RNF4: variants seen among roughly 807,000 people sequenced by gnomAD.
The protein encoded by RNF4 is ring finger protein 4.
In RNF4, 7 loss-of-function variants were observed where a neutral mutation model predicts 24.3. The ratio of observed to expected loss-of-function variants is 0.29; its 90% CI spans 0.16 to 0.54. The LOEUF (loss-of-function observed/expected upper bound fraction) is 0.54. RNF4 is among the 20% of genes least tolerant of loss of function. RNF4 has a pLI of 0.95. For missense variants in RNF4, 209 were observed against 248.5 expected (o/e 0.84, Z 1.07); for synonymous variants, 83 against 84.3 (o/e 0.98, Z 0.09).
chr4:2,490,163 C>T (rs1735537614), intron 1 of RNF4, among the ~76,000 whole-genome samples, 174 bp from the exon 2 acceptor site: 1 of 152,000 alleles, frequency 6.6e-6, no homozygotes, highest in Non-Finnish European at 1.5e-5. Flanking sequence ...TCAGGAAGTC[C>T]TACATGCGAC....
chr4:2,509,768 G>A (rs1005974003), intron 4 of RNF4, among the ~76,000 whole-genome samples: 3 of 152,250 alleles, frequency 2.0e-5, no homozygotes, highest in Admixed American at 2.0e-4. Context: ...GACTCAGTAC[G>A]CGCACTGTCA....
chr4:2,480,866 G>T (rs535265971), intron 1 of RNF4: 2 of 152,282 alleles, frequency 1.3e-5, no homozygotes, highest in African/African-American at 2.4e-5. Context: ...TGACTTCCAG[G>T]ATACCTGGAG....
At chr4:2,480,613 T>A (rs1735218087) in intron 1 of RNF4, 1 of 152,160 alleles carries the variant, frequency 6.6e-6, no homozygotes, top group African/African-American at 2.4e-5. Flanking sequence ...TACATGTTTG[T>A]GCCAAGTGCT....
chr4:2,474,387 A>C (rs1041005901), intron 1 of RNF4, among the ~76,000 whole-genome samples: 1 of 151,674 alleles, frequency 6.6e-6, no homozygotes, highest in Non-Finnish European at 1.5e-5. Context: ...GTCTCAAAAA[A>C]AAAAAAAAAA....
chr4:2,472,855 A>G (rs973693941), intron 1 of RNF4, among the ~76,000 whole-genome samples: 1 of 151,856 alleles, frequency 6.6e-6, no homozygotes, highest in African/African-American at 2.4e-5. Flanking sequence ...CCTGGCTAAC[A>G]TGGTGAAACC....
chr4:2,497,572 T>G (rs1439620837), intron 3 of RNF4, among the ~76,000 whole-genome samples: 2 of 152,206 alleles, frequency 1.3e-5, no homozygotes, highest in African/African-American at 2.4e-5. Flanking sequence ...ATGGCTGGCC[T>G]AAGTCCCTTT....
At chr4:2,485,655 C>T (rs1350775238) in intron 1 of RNF4, among the ~76,000 whole-genome samples, 1 of 152,142 alleles carries the variant, frequency 6.6e-6, no homozygotes, top group Non-Finnish European at 1.5e-5. Context: ...TCCTGACCAT[C>T]CCCAGTTAGG....
chr4:2,478,105 C>T (rs1473431761), intron 1 of RNF4, among the ~76,000 whole-genome samples: 3 of 152,144 alleles, frequency 2.0e-5, no homozygotes. Flanking sequence ...AGAGACTAGC[C>T]GCATTTTGCC....
intron 3 of RNF4, 96 bp from the exon 4 acceptor site, chr4:2,500,563 T>C: frequency 8.9e-7 from 1 of 1,123,938 alleles, no homozygotes; most frequent in Middle Eastern, 2.6e-4. Context: ...TAGTTTGGGG[T>C]AAGCCTATAA....
intron 2 of RNF4, among the ~76,000 whole-genome samples, chr4:2,490,987 C>T (rs562870126): frequency 6.6e-6 from 1 of 152,212 alleles, no homozygotes; most frequent in East Asian, 1.9e-4. Flanking sequence ...ACTTGGGAGG[C>T]TGAGGCAGGA....
At chr4:2,477,785 T>A (rs557864504) in intron 1 of RNF4, among the ~76,000 whole-genome samples, 100 of 152,324 alleles carry the variant, frequency 6.6e-4, no homozygotes, top group Middle Eastern at 6.8e-3. Flanking sequence ...TATGTCTTTA[T>A]TAGCATCGTG....
chr4:2,488,455 A>AAAC (rs765401958), intron 1 of RNF4, among the ~76,000 whole-genome samples: 13 of 152,166 alleles, frequency 8.5e-5, no homozygotes, highest in African/African-American at 2.2e-4. Context: ...TCCGTCTCAA[A>AAAC]AACAACAACA....
intron 1 of RNF4, among the ~76,000 whole-genome samples, chr4:2,476,029 C>T (rs1158773599): frequency 3.3e-5 from 5 of 152,120 alleles, no homozygotes; most frequent in Admixed American, 6.6e-5. Flanking sequence ...TTGCTTTCAC[C>T]GCAGAGGAGT....
rs372726393 is a variant in RNF4 at position 2,490,484 on chromosome 4, A to G, written c.-10A>G. 6 of 1,612,360 alleles carry G rather than the reference A, an allele frequency of 3.7e-6. No homozygotes were observed. In the African/African-American group the frequency reaches 8.0e-5, roughly 22 times the overall value. On this transcript the variant is annotated 5_prime_UTR_variant, in exon 2 of 8. Transcript: ENST00000314289. ...TTTTCTGTAGGAAAGGAAAGGCACC[A>G]AAGAGCACAATGAGTACAGTAAGTT... is the stretch of plus-strand genomic sequence containing the variant.
At chr4:2,504,426 T>C (rs1439307116) in intron 4 of RNF4, among the ~76,000 whole-genome samples, 1 of 152,216 alleles carries the variant, frequency 6.6e-6, no homozygotes, top group Non-Finnish European at 1.5e-5. Context: ...ATTGTGGTTT[T>C]AATTTGTGCT....
intron 1 of RNF4, among the ~76,000 whole-genome samples, chr4:2,484,066 A>AGCCCCC (rs1553877521): frequency 2.0e-3 from 1 of 500 alleles, no homozygotes; most frequent in Admixed American, 0.02. Flanking sequence ...GCCTCAGGTG[A>AGCCCCC]TCCCCCCCCG....
At chr4:2,510,266 A>G (rs979552058) in intron 4 of RNF4, among the ~76,000 whole-genome samples, 9 of 152,314 alleles carry the variant, frequency 5.9e-5, no homozygotes, top group African/African-American at 2.2e-4. Context: ...TTTAACATGG[A>G]AGGAGAAGCC....
In RNF4 at chr4:2,469,176, G is replaced by A. The variant is rs1426607278; in HGVS notation, c.-240G>A. On this transcript the variant is annotated 5_prime_UTR_variant, in exon 1 of 8. Transcript: ENST00000314289. ...GCTCTCCTGGGCGGCTGAAGAAGGA[G>A]CTTCTTCTCCGGAGTGCGCCGGCGG... 6.6e-6 allele frequency: 1 copy of A among 152,244 alleles called. No homozygotes were observed. The highest frequency in any genetic ancestry group is 1.5e-5 in the Non-Finnish European group (1 of 68,054). The allele number at this position is 152,244 out of a possible 1,614,324, so 9.4% of individuals were successfully genotyped here.
At chr4:2,489,567 C>G (rs1343464320) in intron 1 of RNF4, among the ~76,000 whole-genome samples, 1 of 152,192 alleles carries the variant, frequency 6.6e-6, no homozygotes, top group African/African-American at 2.4e-5. Flanking sequence ...GAGCCTGATA[C>G]AGGCTCATGC....
Sources: gnomAD v4.1 joint callset for allele counts (sites outside exome capture counted in the v4.1 genomes callset) on GRCh38, gnomAD v4.1.1 for gene constraint, MANE v1.5 for transcripts, NCBI Gene and HGNC (gene_info 2026-07-23, HGNC 2026-07-21) for gene names.